TRPV4: variants seen among roughly 807,000 people sequenced by gnomAD.
The protein encoded by TRPV4 is transient receptor potential cation channel subfamily V member 4, also known as OSM9-like transient receptor potential channel 4.
A neutral mutation model predicts 84.1 loss-of-function variants in TRPV4; 58 were observed. That is an observed-to-expected ratio of 0.69 (90% CI 0.56 to 0.86). TRPV4 has a LOEUF of 0.86. Ranked by LOEUF, TRPV4 falls within the 40% of genes least tolerant of loss-of-function variation. The pLI is 0.00. For synonymous variants in TRPV4, 489 were observed against 500.9 expected (o/e 0.98, Z 0.32); for missense variants, 879 against 1,181.1 (o/e 0.74, Z 3.75).
At position 109,783,786 on chromosome 12, in the gene TRPV4, G is replaced by A. The variant is rs967681987; in HGVS notation, c.2459-8C>T. The A allele has an allele frequency of 1.6e-5, 25 of 1,610,888 alleles. No individual in the cohort carries two copies. The South Asian group carries it at 1.6e-4, about 11-fold the overall frequency. On this transcript the variant is annotated splice_polypyrimidine_tract_variant and splice_region_variant and intron_variant, in intron 15 of 15. Transcript: ENST00000261740. The surrounding 1 kb of genome is among the most constrained non-coding windows in gnomAD (Gnocchi z 4.6). ...CCACCGAGGACCAGCGATCTGCACC[G>A]AGAGCACATCAGAGGGAGGGGTGGG...
chr12:109,809,774 A>G (rs1208956969), intron 2 of TRPV4, among the ~76,000 whole-genome samples: 1 of 152,226 alleles, frequency 6.6e-6, no homozygotes, highest in Non-Finnish European at 1.5e-5. Flanking sequence ...GACAAAAACA[A>G]AGATAAAATA....
chr12:109,822,608 G>A (rs971645468), intron 1 of TRPV4, among the ~76,000 whole-genome samples: 2 of 152,142 alleles, frequency 1.3e-5, no homozygotes, highest in African/African-American at 2.4e-5. Flanking sequence ...CGGGACCTGC[G>A]CCTTTGATGG....
rs912493482 is a variant in TRPV4 at position 109,794,252 on chromosome 12, G to A, written c.1491+77C>T. The A allele has an allele frequency of 3.8e-6, 6 of 1,574,368 alleles. No homozygotes were observed. The African/African-American group carries it at 5.4e-5, about 14-fold the overall frequency. ...GGGTCCCCCTACAGGGGACCCAGAAGGATGAGGTTGTGCCCCAGTCCTGCA... is the reference window on the plus strand; with the variant it reads ...GGGTCCCCCTACAGGGGACCCAGAAAGATGAGGTTGTGCCCCAGTCCTGCA... On this transcript the variant is annotated intron_variant, in intron 8 of 15. Transcript: ENST00000261740.
intron 3 of TRPV4, among the ~76,000 whole-genome samples, chr12:109,803,433 G>T (rs2136564050): frequency 6.6e-6 from 1 of 152,240 alleles, no homozygotes; most frequent in Admixed American, 6.5e-5. Context: ...GGAAGATTTT[G>T]TATTTATTTT....
chr12:109,797,937 G>C (rs1201810979), intron 6 of TRPV4, among the ~76,000 whole-genome samples: 2 of 152,182 alleles, frequency 1.3e-5, no homozygotes, highest in African/African-American at 4.8e-5. Flanking sequence ...CACAGAAAAG[G>C]GAAATGAGAT....
chr12:109,810,844 C>T (rs1436971922), intron 2 of TRPV4, among the ~76,000 whole-genome samples: 3 of 151,788 alleles, frequency 2.0e-5, no homozygotes, highest in Non-Finnish European at 4.4e-5. Context: ...GGAGGGCTTG[C>T]GGGAGGGGAA....
Position 109,794,298 on chromosome 12 carries a change from C to T in TRPV4, c.1491+31G>A, listed in dbSNP as rs748313909. Reference sequence around the variant, plus strand: ...CTGCATGGCTCAGCCCAGTGCCTGCCCCAGCCCCTGCCCGGTCCCCGGGCA... The same window carrying T: ...CTGCATGGCTCAGCCCAGTGCCTGCTCCAGCCCCTGCCCGGTCCCCGGGCA... On this transcript the variant is annotated intron_variant, in intron 8 of 15. Transcript: ENST00000261740. 3.7e-6 allele frequency: 6 copies of T among 1,609,104 alleles called. No homozygotes were observed. The Admixed American group carries it at 6.7e-5, about 18-fold the overall frequency.
At chr12:109,820,457 C>A (rs1440180038) in intron 1 of TRPV4, among the ~76,000 whole-genome samples, 1 of 148,252 alleles carries the variant, frequency 6.7e-6, no homozygotes, top group Non-Finnish European at 1.5e-5. Context: ...AGCTCACTTG[C>A]TGGGTGAGTA....
chr12:109,820,746 A>G, intron 1 of TRPV4, among the ~76,000 whole-genome samples: 1 of 151,420 alleles, frequency 6.6e-6, no homozygotes, highest in East Asian at 1.9e-4. Flanking sequence ...GATGGTCTCG[A>G]TCTCCTGACC....
intron 3 of TRPV4, among the ~76,000 whole-genome samples, chr12:109,806,860 CAAAAAA>C (rs1181923346): frequency 2.2e-5 from 1 of 45,620 alleles, no homozygotes; most frequent in African/African-American, 9.4e-5. Flanking sequence ...GACCCTATCT[CAAAAAA>C]AAAAAAGAAA....
intron 14 of TRPV4, among the ~76,000 whole-genome samples, chr12:109,785,566 A>G (rs139794830): frequency 0.025 from 3,830 of 151,870 alleles, 92 homozygotes; most frequent in African/African-American, 0.063. Context: ...TTACAGGTGC[A>G]TGCCACCACT....
At chr12:109,806,762 G>A (rs1038522832) in intron 3 of TRPV4, among the ~76,000 whole-genome samples, 3 of 150,572 alleles carry the variant, frequency 2.0e-5, no homozygotes, top group South Asian at 2.1e-4. Flanking sequence ...TCTCGAGGCC[G>A]AAGCAGGAGG....
chr12:109,788,326 A>T, intron 13 of TRPV4, 74 bp downstream of exon 13: 1 of 1,457,596 alleles, frequency 6.9e-7, no homozygotes, highest in Non-Finnish European at 9.4e-7. Flanking sequence ...AAGGCCGAGG[A>T]AGCCAGTCGG....
intron 5 of TRPV4, among the ~76,000 whole-genome samples, chr12:109,800,149 T>C (rs1297706593): frequency 6.6e-6 from 1 of 152,102 alleles, no homozygotes; most frequent in Non-Finnish European, 1.5e-5. Context: ...ACCATCTTGT[T>C]GGCCAGGCTG....
rs1417323464 is a variant in TRPV4 at position 109,794,554 on chromosome 12, C to T, written c.1333-67G>A. 6.4e-6 allele frequency: 10 copies of T among 1,557,640 alleles called. 1 individual carries two copies. Among genetic ancestry groups the T allele is most frequent in the South Asian group, 4.4e-5 (4 of 90,064 alleles). On this transcript the variant is annotated intron_variant, in intron 7 of 15. Coordinates refer to ENST00000261740, the MANE Select transcript of TRPV4 (RefSeq NM_021625.5). Reference sequence around the variant, plus strand: ...GGTGGGGGGTCCAGGCAGGCTGCCTCGGGTGTGCCTTCCCCCACCCTCCAC... The same window carrying T: ...GGTGGGGGGTCCAGGCAGGCTGCCTTGGGTGTGCCTTCCCCCACCCTCCAC...
intron 1 of TRPV4, among the ~76,000 whole-genome samples, chr12:109,823,196 T>C (rs1239392860): frequency 6.6e-6 from 1 of 152,210 alleles, no homozygotes; most frequent in Admixed American, 6.5e-5. Context: ...GGCCAGCCTG[T>C]ATTTACCTAG....
rs879100436 is a variant in TRPV4 at position 109,814,318 on chromosome 12, C to T, written c.386+93G>A. On this transcript the variant is annotated intron_variant, in intron 2 of 15. Transcript: ENST00000261740. The surrounding 1 kb of genome is among the most constrained non-coding windows in gnomAD (Gnocchi z 5.4). ...ACAGATGGATGGATGGATGAATCGA[C>T]GGATGGGTGGATAATAGATAGAGGG... 2.1e-5 allele frequency: 30 copies of T among 1,426,266 alleles called. No homozygotes were observed. Among genetic ancestry groups the T allele is most frequent in the South Asian group, 1.2e-4 (10 of 81,566 alleles). The allele number at this position is 1,426,266 out of a possible 1,614,324, so 88.4% of individuals were successfully genotyped here.
intron 13 of TRPV4, among the ~76,000 whole-genome samples, chr12:109,787,045 A>G (rs1438557078): frequency 6.6e-6 from 1 of 152,188 alleles, no homozygotes; most frequent in Admixed American, 6.5e-5. Context: ...CAGGTGCAGA[A>G]AGGCTGCCGC....
At position 109,827,665 on chromosome 12, in the gene TRPV4, CAT is replaced by C. The variant is rs558717599; in HGVS notation, c.-32+5683_-32+5684del. ...ACATATACACGCAAACATACACACA[CAT>C]ACACACATGCACACATAGACATTCA... is the stretch of plus-strand genomic sequence containing the variant. On this transcript the variant is annotated intron_variant, in intron 1 of 15. Coordinates refer to ENST00000261740, the MANE Select transcript of TRPV4 (RefSeq NM_021625.5). 3.2e-3 allele frequency among the ~76,000 whole-genome samples: 488 copies of C among 152,002 alleles called. 4 individuals are homozygous for C. Among genetic ancestry groups the C allele is most frequent in the African/African-American group, 0.011 (457 of 41,404 alleles).
Sources: allele counts gnomAD v4.1 joint callset (sites outside exome capture counted in the v4.1 genomes callset), GRCh38; gene constraint gnomAD v4.1.1; non-coding constraint Gnocchi (gnomAD v3.1); transcripts MANE v1.5; gene names NCBI Gene and HGNC (gene_info 2026-07-23, HGNC 2026-07-21).